Variants in C1orf87 observed in about 807,000 individuals in gnomAD.
The protein encoded by C1orf87 is chromosome 1 open reading frame 87, also known as uncharacterized protein C1orf87.
A neutral mutation model predicts 60.5 loss-of-function variants in C1orf87; 58 were observed. That is an observed-to-expected ratio of 0.96 (90% confidence interval 0.78 to 1.19). C1orf87 has a LOEUF of 1.19. C1orf87 is among the 50% of genes most tolerant of loss of function. C1orf87 has a pLI of 0.00. For synonymous variants in C1orf87, 236 were observed against 227.4 expected, an observed-to-expected ratio of 1.04 and a Z score of -0.34; for missense variants, 673 against 638.6, an observed-to-expected ratio of 1.05 and a Z score of -0.58.
At chr1:60,055,536 T>C in intron 2 of C1orf87, 98 bp from the exon 3 acceptor site, 2 of 1,018,970 alleles carry the variant, frequency 2.0e-6, no homozygotes, top group Non-Finnish European at 3.0e-6. Context: ...TTGTGAACAG[T>C]AGAAACTCAG....
At chr1:60,046,363 A>T (rs1399641723) in intron 3 of C1orf87, among the ~76,000 whole-genome samples, 16 of 75,316 alleles carry the variant, frequency 2.1e-4, no homozygotes, top group African/African-American at 4.4e-4. Flanking sequence ...CTTTCCTTTC[A>T]TTCTTTCTCT....
intron 1 of C1orf87, 56 bp from the exon 2 acceptor site, chr1:60,072,726 C>A: frequency 1.2e-6 from 1 of 866,838 alleles, no homozygotes; most frequent in Non-Finnish European, 1.8e-6. Context: ...GGAACTGCAT[C>A]ATCCTTGCCA....
At chr1:60,048,779 G>T (rs984110763) in intron 3 of C1orf87, among the ~76,000 whole-genome samples, 2 of 151,516 alleles carry the variant, frequency 1.3e-5, no homozygotes, top group Admixed American at 1.3e-4. Flanking sequence ...GTACATAATA[G>T]ATATATATAT....
At chr1:59,998,531 G>A (rs1449400192) in intron 10 of C1orf87, among the ~76,000 whole-genome samples, 1 of 152,178 alleles carries the variant, frequency 6.6e-6, no homozygotes, top group Non-Finnish European at 1.5e-5. Context: ...TGTGCAGTGA[G>A]TGGGCATCTA....
At chr1:60,002,753 A>T (rs1374690689) in intron 9 of C1orf87, among the ~76,000 whole-genome samples, 1 of 152,034 alleles carries the variant, frequency 6.6e-6, no homozygotes, top group Non-Finnish European at 1.5e-5. Flanking sequence ...GAGAAATGCA[A>T]ATCAAAACCA....
intron 8 of C1orf87, among the ~76,000 whole-genome samples, chr1:60,021,249 C>A (rs1281554833): frequency 2.6e-5 from 4 of 152,172 alleles, no homozygotes; most frequent in African/African-American, 9.7e-5. Context: ...TGAGAACAGA[C>A]TAATACAGCC....
chr1:60,055,320 T>G lies in C1orf87; in HGVS notation c.226A>C (p.Thr76Pro), dbSNP rs2100319445. The G allele has an allele frequency of 6.2e-7, 1 of 1,614,100 alleles. No homozygotes were observed. The highest frequency in any genetic ancestry group is 2.2e-5 in the East Asian group (1 of 44,882). The change falls in exon 3 of 12, where the codon ACC becomes CCC. Residue 76 changes from threonine (T) to proline (P), a missense_variant. Transcript: ENST00000371201. ...TTCACATCATCTGGATTATCAGTGG[T>G]TTGCTGATCAGTGAAGTTAATGGGA... ...PVPINFTDQQ[T>P]TDNPDDVKEK...
At chr1:60,043,358 A>G (rs1259592878) in intron 3 of C1orf87, among the ~76,000 whole-genome samples, 1 of 152,050 alleles carries the variant, frequency 6.6e-6, no homozygotes, top group Non-Finnish European at 1.5e-5. Context: ...GATGAGGGAG[A>G]TTCACTGTTC....
intron 2 of C1orf87, among the ~76,000 whole-genome samples, chr1:60,066,007 G>C (rs1574331337): frequency 1.3e-5 from 2 of 152,132 alleles, no homozygotes; most frequent in South Asian, 2.1e-4. Context: ...CAATACAATA[G>C]TCTAAAAAAC....
At chr1:60,037,071 G>A (rs1411117596) in intron 6 of C1orf87, among the ~76,000 whole-genome samples, 8 of 152,166 alleles carry the variant, frequency 5.3e-5, no homozygotes, top group Non-Finnish European at 1.2e-4. Context: ...TTTCTATGTT[G>A]GCCTGCGCAC....
At chr1:60,024,390 G>A (rs906514650) in intron 8 of C1orf87, among the ~76,000 whole-genome samples, 6 of 152,116 alleles carry the variant, frequency 3.9e-5, no homozygotes, top group African/African-American at 1.2e-4. Context: ...ACTCAATGCC[G>A]TATGTGTTAC....
At chr1:60,048,898 A>G (rs1028732362) in intron 3 of C1orf87, among the ~76,000 whole-genome samples, 1 of 152,006 alleles carries the variant, frequency 6.6e-6, no homozygotes, top group African/African-American at 2.4e-5. Flanking sequence ...AATAATACTC[A>G]TATATACACA....
chr1:59,999,024 A>G (rs1321329628), intron 10 of C1orf87, among the ~76,000 whole-genome samples: 2 of 152,112 alleles, frequency 1.3e-5, no homozygotes, highest in Admixed American at 1.3e-4. Flanking sequence ...ACTTTTGTAT[A>G]CCATCTGTGT....
intron 2 of C1orf87, among the ~76,000 whole-genome samples, chr1:60,072,270 T>C (rs1645589228): frequency 6.6e-6 from 1 of 152,188 alleles, no homozygotes; most frequent in Non-Finnish European, 1.5e-5. Context: ...TCCATTAATA[T>C]TTATAAATGT....
At chr1:60,013,585 A>C (rs1645104186) in intron 8 of C1orf87, among the ~76,000 whole-genome samples, 1 of 152,120 alleles carries the variant, frequency 6.6e-6, no homozygotes, top group Non-Finnish European at 1.5e-5. Flanking sequence ...ATGGTTTTCT[A>C]AATTTTTCTT....
intron 11 of C1orf87, among the ~76,000 whole-genome samples, chr1:59,995,543 C>T (rs1251060033): frequency 2.0e-5 from 3 of 152,192 alleles, no homozygotes; most frequent in African/African-American, 4.8e-5. Flanking sequence ...CTCATTCTCA[C>T]CTTCTAACTT....
intron 3 of C1orf87, among the ~76,000 whole-genome samples, chr1:60,051,281 C>G (rs1645412643): frequency 6.6e-6 from 1 of 152,124 alleles, no homozygotes; most frequent in Non-Finnish European, 1.5e-5. Context: ...TATATCTGAT[C>G]AAGTGGTTCC....
At chr1:60,029,508 ACT>A (rs1645221618) in intron 7 of C1orf87, among the ~76,000 whole-genome samples, 1 of 151,820 alleles carries the variant, frequency 6.6e-6, no homozygotes, top group African/African-American at 2.4e-5. Flanking sequence ...ACTGGCTCCT[ACT>A]TTCCATTCTA....
intron 5 of C1orf87, among the ~76,000 whole-genome samples, chr1:60,038,534 TG>T (rs1206861807): frequency 6.6e-6 from 1 of 151,762 alleles, no homozygotes; most frequent in Non-Finnish European, 1.5e-5. Flanking sequence ...GAAATAAACA[TG>T]AAAAAAAATA....
Sources: gnomAD v4.1 joint callset for allele counts (sites outside exome capture counted in the v4.1 genomes callset) on GRCh38, gnomAD v4.1.1 for gene constraint, MANE v1.5 for transcripts, NCBI Gene and HGNC (gene_info 2026-07-23, HGNC 2026-07-21) for gene names.